Variants in IQCM observed in about 807,000 individuals in gnomAD.
IQCM encodes the protein IQ motif containing M.
IQCM carries 45 observed loss-of-function variants against 57.6 expected under a neutral mutation model. The observed-to-expected ratio is 0.78, with a 90% CI of 0.62 to 1.00. The LOEUF (loss-of-function observed/expected upper bound fraction) is 1.00. Among genes scored for constraint, IQCM ranks in the 50% least tolerant of loss-of-function variants. IQCM has a pLI of 0.00. For synonymous variants in IQCM, 148 were observed against 158.9 expected (o/e 0.93, Z 0.51); for missense variants, 468 against 511.6 (o/e 0.91, Z 0.82).
At chr4:149,801,514 G>A (rs1773597978) in intron 2 of IQCM, among the ~76,000 whole-genome samples, 1 of 151,908 alleles carries the variant, frequency 6.6e-6, no homozygotes, top group Non-Finnish European at 1.5e-5. Context: ...CAGTTGAATG[G>A]ATAAAGAACA....
At chr4:149,422,979 T>G (rs1000361002) in intron 13 of IQCM, among the ~76,000 whole-genome samples, 6 of 152,092 alleles carry the variant, frequency 3.9e-5, no homozygotes, top group Non-Finnish European at 1.5e-5. Flanking sequence ...AAAATATTGA[T>G]GCATAGGACA....
intron 4 of IQCM, 80 bp downstream of exon 4, chr4:149,735,296 G>T: frequency 5.1e-6 from 3 of 591,736 alleles, no homozygotes; most frequent in Non-Finnish European, 7.4e-6. Context: ...ATATCTTAGG[G>T]TTTATGCAAT....
chr4:149,447,986 C>T (rs575309652), intron 12 of IQCM, among the ~76,000 whole-genome samples: 10 of 151,612 alleles, frequency 6.6e-5, no homozygotes, highest in African/African-American at 2.4e-4. Flanking sequence ...ACATTGAAAA[C>T]CAACAAGGAT....
chr4:149,601,807 C>G (rs1476164915), intron 8 of IQCM, among the ~76,000 whole-genome samples: 1 of 151,748 alleles, frequency 6.6e-6, no homozygotes, highest in Admixed American at 6.6e-5. Flanking sequence ...GCCTGTAATC[C>G]CAGCACTTTG....
chr4:149,680,558 T>G (rs1161229596), intron 7 of IQCM, among the ~76,000 whole-genome samples: 1 of 151,458 alleles, frequency 6.6e-6, no homozygotes, highest in Non-Finnish European at 1.5e-5. Context: ...CCTTTTTAAT[T>G]TACATTTGTT....
intron 7 of IQCM, among the ~76,000 whole-genome samples, chr4:149,642,761 G>C (rs1758304141): frequency 1.3e-5 from 2 of 152,112 alleles, no homozygotes; most frequent in Non-Finnish European, 2.9e-5. Context: ...ATTCTCCTTA[G>C]ATTTGGGATA....
chr4:149,395,648 G>A (rs1578912476), intron 13 of IQCM, among the ~76,000 whole-genome samples: 1 of 151,956 alleles, frequency 6.6e-6, no homozygotes, highest in South Asian at 2.1e-4. Flanking sequence ...CAAAGAAAAA[G>A]AATGAATCTA....
rs534908965 is a variant in IQCM at position 149,500,888 on chromosome 4, A to G, written c.1228+47567T>C. On this transcript the variant is annotated intron_variant, in intron 12 of 13. Transcript: ENST00000636793. Reference sequence around the variant, plus strand: ...CACATGATATTTTAGGATATAATGTAAAAAGAGATAGAACAATGACATAAT... The same window carrying G: ...CACATGATATTTTAGGATATAATGTGAAAAGAGATAGAACAATGACATAAT... Among the ~76,000 whole-genome samples, 6 of 152,334 alleles carry G rather than the reference A, an allele frequency of 3.9e-5. No homozygotes were observed. The East Asian group carries it at 1.2e-3, about 29-fold the overall frequency.
chr4:149,438,932 G>C (rs1472491951), intron 12 of IQCM, among the ~76,000 whole-genome samples: 1 of 151,926 alleles, frequency 6.6e-6, no homozygotes, highest in Admixed American at 6.6e-5. Context: ...ACTTAAACAA[G>C]AGTGAAAATG....
At chr4:149,445,285 G>A (rs898315131) in intron 12 of IQCM, among the ~76,000 whole-genome samples, 3 of 151,736 alleles carry the variant, frequency 2.0e-5, no homozygotes, top group Non-Finnish European at 4.4e-5. Context: ...GATAAACCTG[G>A]ATTCCTTCAC....
At chr4:149,402,702 C>T (rs573587328) in intron 13 of IQCM, among the ~76,000 whole-genome samples, 112 of 151,878 alleles carry the variant, frequency 7.4e-4, no homozygotes, top group African/African-American at 2.5e-3. Flanking sequence ...ACAAATGGAA[C>T]GCTGTAGTTA....
chr4:149,468,423 G>C (rs1333764806), intron 12 of IQCM, among the ~76,000 whole-genome samples: 3 of 152,202 alleles, frequency 2.0e-5, no homozygotes, highest in Admixed American at 2.0e-4. Flanking sequence ...CAGCGAGGCT[G>C]GGGGAGGGGC....
intron 13 of IQCM, among the ~76,000 whole-genome samples, chr4:149,352,987 A>G (rs929569374): frequency 6.6e-6 from 1 of 152,190 alleles, no homozygotes; most frequent in Non-Finnish European, 1.5e-5. Context: ...AATAATCAAC[A>G]TGGCTAAAAG....
At chr4:149,490,294 C>G (rs142545124) in intron 12 of IQCM, among the ~76,000 whole-genome samples, 11 of 152,082 alleles carry the variant, frequency 7.2e-5, no homozygotes, top group South Asian at 4.1e-4. Flanking sequence ...AACCAAGTGT[C>G]ACATTCTATT....
chr4:149,658,604 T>A (rs1207582556), intron 7 of IQCM, among the ~76,000 whole-genome samples: 1 of 152,240 alleles, frequency 6.6e-6, no homozygotes, highest in South Asian at 2.1e-4. Context: ...ATTCTTCCAA[T>A]TCATGAACAT....
chr4:149,353,301 C>A (rs546586956), intron 13 of IQCM, among the ~76,000 whole-genome samples: 1 of 152,010 alleles, frequency 6.6e-6, no homozygotes, highest in South Asian at 2.1e-4. Flanking sequence ...AGCAAGAGTG[C>A]GGATAAAAGG....
intron 12 of IQCM, among the ~76,000 whole-genome samples, chr4:149,536,064 C>A (rs180800992): frequency 6.6e-6 from 1 of 152,146 alleles, no homozygotes; most frequent in Non-Finnish European, 1.5e-5. Flanking sequence ...TAAGACAAAT[C>A]TTTCAGGGTT....
intron 12 of IQCM, among the ~76,000 whole-genome samples, chr4:149,494,184 C>T (rs1033238357): frequency 2.0e-5 from 3 of 151,836 alleles, no homozygotes; most frequent in African/African-American, 4.8e-5. Flanking sequence ...TCGTTTTTAA[C>T]GGCTAACATT....
chr4:149,738,996 AT>A (rs1341424203), intron 3 of IQCM, among the ~76,000 whole-genome samples: 1 of 152,182 alleles, frequency 6.6e-6, no homozygotes. Flanking sequence ...TTAAAGCTCC[AT>A]CTAGTCAATA....
Sources: allele counts gnomAD v4.1 joint callset (sites outside exome capture counted in the v4.1 genomes callset), GRCh38; gene constraint gnomAD v4.1.1; transcripts MANE v1.5; gene names NCBI Gene and HGNC (gene_info 2026-07-23, HGNC 2026-07-21).